The following KALRN variants were observed in gnomAD, a reference collection of about 807,000 sequenced individuals.
The protein encoded by KALRN is kalirin RhoGEF kinase.
Under a neutral mutation model 353.7 loss-of-function variants are expected in KALRN, and 70 were observed. The ratio of observed to expected loss-of-function variants is 0.20; its 90% CI spans 0.16 to 0.24. The LOEUF (loss-of-function observed/expected upper bound fraction) is 0.24, where lower values mean the gene tolerates loss of function less well. KALRN is among the 10% of genes least tolerant of loss of function. The pLI, the probability that KALRN is intolerant of heterozygous loss-of-function variation, is 1.00. For synonymous variants in KALRN, 1,391 were observed against 1,434.8 expected (o/e 0.97, Z 0.69); for missense variants, 2,791 against 3,756.7 (o/e 0.74, Z 6.72).
At chr3:124,332,439 T>C (rs2080678300) in intron 8 of KALRN, among the ~76,000 whole-genome samples, 1 of 152,100 alleles carries the variant, frequency 6.6e-6, no homozygotes, top group Admixed American at 6.5e-5. Context: ...AGCCTTCTTT[T>C]GGGGAAGGCT....
chr3:124,082,423 A>G (rs1559917883), intron 1 of KALRN: 1 of 393,908 alleles, frequency 2.5e-6, no homozygotes, highest in Non-Finnish European at 5.2e-6. Context: ...ATTCTTCTCC[A>G]GAATCCCACA....
At position 124,353,124 on chromosome 3, in the gene KALRN, A is replaced by C. The variant is rs115341454; in HGVS notation, c.1770+5859A>C. On this transcript the variant is annotated intron_variant, in intron 10 of 59. Coordinates refer to ENST00000682506, the MANE Select transcript of KALRN (RefSeq NM_001388419.1). ...GACAAATGTTCTGAACTCTGTAGGCAACTGCATTGTGCTATCTTGATACTT... is the reference window on the plus strand; with the variant it reads ...GACAAATGTTCTGAACTCTGTAGGCCACTGCATTGTGCTATCTTGATACTT... Among the ~76,000 whole-genome samples the C allele has an allele frequency of 6.2e-3, 943 of 152,328 alleles. 17 individuals are homozygous for C. Among genetic ancestry groups the C allele is most frequent in the African/African-American group, 0.021 (893 of 41,574 alleles).
intron 49 of KALRN, among the ~76,000 whole-genome samples, chr3:124,676,737 T>G (rs1211278988): frequency 6.6e-6 from 1 of 152,200 alleles, no homozygotes; most frequent in Non-Finnish European, 1.5e-5. Context: ...TGACTCAAGT[T>G]GTTCTCAGAA....
At chr3:124,598,512 T>A (rs1194237601) in intron 34 of KALRN, among the ~76,000 whole-genome samples, 1 of 152,178 alleles carries the variant, frequency 6.6e-6, no homozygotes, top group Non-Finnish European at 1.5e-5. Context: ...GTCCCCTCAA[T>A]AATCAGAAAT....
At chr3:124,139,998 G>A (rs1044386551) in intron 1 of KALRN, among the ~76,000 whole-genome samples, 10 of 152,020 alleles carry the variant, frequency 6.6e-5, no homozygotes, top group African/African-American at 2.2e-4. Context: ...ACCCTAAAGG[G>A]CCCATATTGT....
intron 34 of KALRN, among the ~76,000 whole-genome samples, chr3:124,592,310 A>G (rs986230142): frequency 3.4e-3 from 67 of 19,530 alleles, no homozygotes; most frequent in East Asian, 0.034. Context: ...TCAAAGAAAC[A>G]AAAAAAAAAA....
At chr3:124,599,984 C>G (rs567195930) in intron 34 of KALRN, among the ~76,000 whole-genome samples, 37 of 152,200 alleles carry the variant, frequency 2.4e-4, no homozygotes, top group Non-Finnish European at 4.6e-4. Context: ...TAAATTTAAA[C>G]TATGACCCTT....
At chr3:124,252,252 CTT>C (rs1311313104) in intron 3 of KALRN, among the ~76,000 whole-genome samples, 1 of 152,056 alleles carries the variant, frequency 6.6e-6, no homozygotes, top group Non-Finnish European at 1.5e-5. Context: ...AATCTCCTCA[CTT>C]TATAGACCTG....
intron 1 of KALRN, chr3:124,096,082 C>G (rs973757715): frequency 6.6e-6 from 1 of 151,100 alleles, no homozygotes; most frequent in South Asian, 2.1e-4. Context: ...GAGATGAGGG[C>G]GTTAAGAAGG....
At chr3:124,123,392 A>G (rs1315463277) in intron 1 of KALRN, among the ~76,000 whole-genome samples, 2 of 152,208 alleles carry the variant, frequency 1.3e-5, no homozygotes, top group African/African-American at 4.8e-5. Context: ...CAGCAACAAC[A>G]TTCCTTTAAA....
chr3:124,061,021 G>T (rs1002163790), intron 1 of KALRN, among the ~76,000 whole-genome samples: 2 of 152,186 alleles, frequency 1.3e-5, no homozygotes, highest in African/African-American at 4.8e-5. Flanking sequence ...CAAAGCACAG[G>T]TTCAAAAATT....
At chr3:124,608,919 G>A (rs1289302097) in intron 34 of KALRN, among the ~76,000 whole-genome samples, 1 of 152,132 alleles carries the variant, frequency 6.6e-6, no homozygotes, top group Non-Finnish European at 1.5e-5. Context: ...TGCTTTTACT[G>A]TACTCCTTTT....
At chr3:124,698,016 C>T (rs985232929) in intron 55 of KALRN, among the ~76,000 whole-genome samples, 1 of 152,084 alleles carries the variant, frequency 6.6e-6, no homozygotes, top group African/African-American at 2.4e-5. Flanking sequence ...TCAACCCAGG[C>T]TGGAGTGCAG....
intron 1 of KALRN, among the ~76,000 whole-genome samples, chr3:124,190,245 G>A (rs572937582): frequency 3.0e-4 from 45 of 152,260 alleles, no homozygotes; most frequent in African/African-American, 1.0e-3. Flanking sequence ...AAACAAGCAG[G>A]GAGCTTCGTA....
chr3:124,675,022 A>ATATATATATATAT (rs1203296000), intron 49 of KALRN: 3 of 151,040 alleles, frequency 2.0e-5, no homozygotes, highest in African/African-American at 7.3e-5. Flanking sequence ...ATATATATAT[A>ATATATATATATAT]TTTTTGATTG....
chr3:124,038,386 G>A (rs939163904), intron 1 of KALRN, among the ~76,000 whole-genome samples: 1 of 152,188 alleles, frequency 6.6e-6, no homozygotes, highest in African/African-American at 2.4e-5. Flanking sequence ...TGCTTAGCCA[G>A]AAGGGACGTT....
chr3:124,553,869 G>C (rs2070860166), intron 33 of KALRN, among the ~76,000 whole-genome samples: 1 of 152,268 alleles, frequency 6.6e-6, no homozygotes, highest in Non-Finnish European at 1.5e-5. Context: ...AATCCTCCCA[G>C]CCGCATCTCT....
At chr3:124,142,564 C>A (rs1401106540) in intron 1 of KALRN, among the ~76,000 whole-genome samples, 4 of 152,166 alleles carry the variant, frequency 2.6e-5, no homozygotes, top group Non-Finnish European at 1.5e-5. Context: ...GACCTAAGAA[C>A]CAGGGTTTTT....
At chr3:124,647,669 A>G (rs2082931078) in intron 37 of KALRN, among the ~76,000 whole-genome samples, 1 of 152,124 alleles carries the variant, frequency 6.6e-6, no homozygotes, top group Non-Finnish European at 1.5e-5. Context: ...TGTCTTATTC[A>G]TCCTCATTTC....
Sources: gnomAD v4.1 joint callset for allele counts (sites outside exome capture counted in the v4.1 genomes callset) on GRCh38, gnomAD v4.1.1 for gene constraint, MANE v1.5 for transcripts, NCBI Gene and HGNC (gene_info 2026-07-23, HGNC 2026-07-21) for gene names.